The following DENND2B variants were observed in gnomAD, a reference collection of about 807,000 sequenced individuals.
The protein encoded by DENND2B is DENN domain-containing protein 2B.
DENND2B carries 32 observed loss-of-function variants against 116.0 expected under a neutral mutation model. The observed-to-expected ratio is 0.28, with a 90% confidence interval of 0.21 to 0.37. DENND2B has a LOEUF of 0.37. Ranked by LOEUF, DENND2B falls within the 10% of genes least tolerant of loss-of-function variation. The pLI, the probability that DENND2B is intolerant of heterozygous loss-of-function variation, is 1.00. For synonymous variants in DENND2B, 588 were observed against 583.9 expected (o/e 1.01, Z -0.10); for missense variants, 1,276 against 1,477.7 (o/e 0.86, Z 2.24).
chr11:8,777,350 C>T (rs762650005), intron 1 of DENND2B, among the ~76,000 whole-genome samples: 1 of 152,214 alleles, frequency 6.6e-6, no homozygotes, highest in Non-Finnish European at 1.5e-5. Context: ...TCCCCCTGCC[C>T]AGGGGAGACA....
chr11:8,754,760 T>G (rs1357139210), intron 1 of DENND2B, among the ~76,000 whole-genome samples: 1 of 152,220 alleles, frequency 6.6e-6, no homozygotes. Context: ...AAAGTACTGA[T>G]ACATTCTACA....
intron 1 of DENND2B, among the ~76,000 whole-genome samples, chr11:8,761,948 G>C (rs944067714): frequency 6.6e-6 from 1 of 152,084 alleles, no homozygotes; most frequent in Non-Finnish European, 1.5e-5. Flanking sequence ...AGTGCTACTG[G>C]AAGTCTCCGG....
intron 3 of DENND2B, among the ~76,000 whole-genome samples, chr11:8,851,968 T>C (rs1427988825): frequency 6.6e-6 from 1 of 152,210 alleles, no homozygotes; most frequent in African/African-American, 2.4e-5. Context: ...CCATTATCCC[T>C]GGGCTCCTGA....
chr11:8,860,588 G>A (rs777294284), intron 2 of DENND2B, among the ~76,000 whole-genome samples: 4 of 152,088 alleles, frequency 2.6e-5, no homozygotes, highest in Non-Finnish European at 5.9e-5. Context: ...TGAAATCAAA[G>A]AATCAATATC....
chr11:8,806,634 A>ACACACACACACC (rs1442850134), intron 1 of DENND2B, among the ~76,000 whole-genome samples: 1 of 151,682 alleles, frequency 6.6e-6, no homozygotes, highest in Non-Finnish European at 1.5e-5. Context: ...ACACACACAC[A>ACACACACACACC]CACACCCAGG....
At chr11:8,697,383 A>C (rs1255812046) in intron 17 of DENND2B, 142 bp downstream of exon 17, 33 of 631,530 alleles carry the variant, frequency 5.2e-5, no homozygotes, top group Non-Finnish European at 5.6e-5. Context: ...CCTGGGGTAG[A>C]AAAGACGCTA....
intron 1 of DENND2B, among the ~76,000 whole-genome samples, chr11:8,759,430 A>C (rs1035520612): frequency 6.6e-6 from 1 of 152,134 alleles, no homozygotes; most frequent in African/African-American, 2.4e-5. Context: ...ATTGCCCAGC[A>C]CTCTGCTTTA....
intron 1 of DENND2B, among the ~76,000 whole-genome samples, chr11:8,794,262 A>G (rs1445479028): frequency 2.6e-5 from 4 of 152,236 alleles, no homozygotes; most frequent in Admixed American, 6.5e-5. Flanking sequence ...AGAAGACCTG[A>G]GTCCCAGTCC....
Position 8,715,741 on chromosome 11 carries a change from T to C in DENND2B, c.1707A>G (p.Leu569=). Residue 569 remains leucine, a synonymous_variant, in exon 6 of 20, where the codon TTA becomes TTG. Transcript: ENST00000313726. The part of the protein sequence containing the change: ...SERKSHRLPR[L]PKRHSHDDML... Reference sequence around the variant, plus strand: ...TGTCGTCATGGCTGTGCCTCTTGGGTAATCGTGGCAGCCGGTGGCTCTTCC... The same window carrying C: ...TGTCGTCATGGCTGTGCCTCTTGGGCAATCGTGGCAGCCGGTGGCTCTTCC... 1.2e-6 allele frequency: 2 copies of C among 1,614,064 alleles called. No individual in the cohort carries two copies. Among genetic ancestry groups the C allele is most frequent in the Non-Finnish European group, 8.5e-7 (1 of 1,179,946 alleles).
chr11:8,726,802 A>G (rs985894890), intron 3 of DENND2B, among the ~76,000 whole-genome samples: 1 of 152,208 alleles, frequency 6.6e-6, no homozygotes, highest in Non-Finnish European at 1.5e-5. Context: ...GGTCCCACTC[A>G]GGGCTGTCAG....
chr11:8,721,650 C>T (rs982204163), intron 4 of DENND2B, among the ~76,000 whole-genome samples: 2 of 152,210 alleles, frequency 1.3e-5, no homozygotes, highest in African/African-American at 4.8e-5. Flanking sequence ...TGTTGCCCAC[C>T]CTCCAAGCCT....
At chr11:8,802,091 A>G (rs903780790) in intron 1 of DENND2B, among the ~76,000 whole-genome samples, 1 of 151,872 alleles carries the variant, frequency 6.6e-6, no homozygotes, top group African/African-American at 2.4e-5. Flanking sequence ...ACCTGAGATC[A>G]GGAGTTCAAG....
intron 2 of DENND2B, among the ~76,000 whole-genome samples, chr11:8,861,494 T>G (rs1471720011): frequency 6.6e-6 from 1 of 152,152 alleles, no homozygotes; most frequent in Non-Finnish European, 1.5e-5. Flanking sequence ...TCTACCTTAC[T>G]CCAGCCAGAC....
At chr11:8,834,370 T>C (rs987537395) in intron 4 of DENND2B, among the ~76,000 whole-genome samples, 1 of 152,204 alleles carries the variant, frequency 6.6e-6, no homozygotes, top group African/African-American at 2.4e-5. Flanking sequence ...TGATACAGCA[T>C]TGCAACAAGA....
intron 17 of DENND2B, 148 bp from the exon 18 acceptor site, chr11:8,696,814 A>C: frequency 7.6e-7 from 1 of 1,313,198 alleles, no homozygotes; most frequent in Non-Finnish European, 1.0e-6. Context: ...ACCGAGTTTC[A>C]CTCTTGTTGC....
chr11:8,909,465 G>GAAGGAA (rs2064286095), intron 1 of DENND2B, among the ~76,000 whole-genome samples: 1 of 151,746 alleles, frequency 6.6e-6, no homozygotes, highest in Non-Finnish European at 1.5e-5. Flanking sequence ...AGGAGAAGGA[G>GAAGGAA]AAGAAATGGA....
At chr11:8,807,819 T>A (rs1035515768) in intron 1 of DENND2B, 2 of 152,168 alleles carry the variant, frequency 1.3e-5, no homozygotes, top group Non-Finnish European at 1.5e-5. Flanking sequence ...GAAGGGGAGC[T>A]GCTTGTTTTG....
At chr11:8,810,065 TTTC>T (rs973919098) in intron 1 of DENND2B, 1 of 142,326 alleles carries the variant, frequency 7.0e-6, no homozygotes, top group African/African-American at 2.6e-5. Context: ...TTTTTTTTTT[TTTC>T]CATTACAGGT....
chr11:8,853,443 A>G (rs1389168939), intron 3 of DENND2B, among the ~76,000 whole-genome samples: 1 of 152,174 alleles, frequency 6.6e-6, no homozygotes, highest in Admixed American at 6.5e-5. Flanking sequence ...ACACAGCCAG[A>G]AGGTCCTACC....
Sources: gnomAD v4.1 joint callset for allele counts (sites outside exome capture counted in the v4.1 genomes callset) on GRCh38, gnomAD v4.1.1 for gene constraint, MANE v1.5 for transcripts, NCBI Gene and HGNC (gene_info 2026-07-23, HGNC 2026-07-21) for gene names.